TAFA1: variants seen among roughly 807,000 people sequenced by gnomAD.
TAFA1 encodes TAFA chemokine like family member 1.
In TAFA1, 4 loss-of-function variants were observed where a neutral mutation model predicts 18.5. The ratio of observed to expected loss-of-function variants is 0.22; its 90% CI spans 0.11 to 0.49. The LOEUF (loss-of-function observed/expected upper bound fraction) is 0.49. Ranked by LOEUF, TAFA1 falls within the 20% of genes least tolerant of loss-of-function variation. TAFA1 has a pLI of 0.98. For synonymous variants in TAFA1, 56 were observed against 55.2 expected (o/e 1.01, Z -0.06); for missense variants, 147 against 169.0 (o/e 0.87, Z 0.72).
chr3:68,005,321 T>G (rs1210254812), intron 1 of TAFA1, among the ~76,000 whole-genome samples: 2 of 152,206 alleles, frequency 1.3e-5, no homozygotes, highest in Admixed American at 1.3e-4. Context: ...ATGCTCCATC[T>G]GAATCACAGA....
At chr3:68,131,848 A>T (rs2065542530) in intron 2 of TAFA1, among the ~76,000 whole-genome samples, 1 of 150,962 alleles carries the variant, frequency 6.6e-6, no homozygotes, top group Non-Finnish European at 1.5e-5. Context: ...TTACCTGTGA[A>T]ATAGGAATGA....
At chr3:68,011,978 C>G (rs1019794686) in intron 2 of TAFA1, among the ~76,000 whole-genome samples, 1 of 152,128 alleles carries the variant, frequency 6.6e-6, no homozygotes, top group African/African-American at 2.4e-5. Flanking sequence ...GTTTCAACTC[C>G]TAGTTAGGGA....
intron 3 of TAFA1, among the ~76,000 whole-genome samples, chr3:68,523,095 TAAAG>T (rs2073052677): frequency 6.6e-6 from 1 of 151,940 alleles, no homozygotes; most frequent in South Asian, 2.1e-4. Context: ...AATAAATAAA[TAAAG>T]CACTTGAAAG....
intron 2 of TAFA1, among the ~76,000 whole-genome samples, chr3:68,388,461 A>T (rs2070153405): frequency 6.6e-6 from 1 of 152,046 alleles, no homozygotes; most frequent in African/African-American, 2.4e-5. Context: ...GCCTATTTTC[A>T]TCTATATTTT....
intron 4 of TAFA1, among the ~76,000 whole-genome samples, chr3:68,539,409 G>A (rs568942846): frequency 7.0e-4 from 106 of 152,018 alleles, no homozygotes; most frequent in Admixed American, 1.4e-3. Flanking sequence ...AATCTTCAGG[G>A]TGGGGTAATC....
At chr3:68,214,350 C>G (rs1437962174) in intron 2 of TAFA1, among the ~76,000 whole-genome samples, 1 of 152,112 alleles carries the variant, frequency 6.6e-6, no homozygotes, top group Non-Finnish European at 1.5e-5. Flanking sequence ...TGCTTTGATA[C>G]TCTCCTGGCC....
Position 68,366,936 on chromosome 3 carries a change from T to C in TAFA1, c.119-50344T>C, listed in dbSNP as rs538081854. On this transcript the variant is annotated intron_variant, in intron 2 of 4. Coordinates refer to ENST00000478136, the MANE Select transcript of TAFA1 (RefSeq NM_213609.4). ...ATGTGTTTGTATTCTGACCTGTCAATTGTGACACTCTGGACATTGACCCTG... is the reference window on the plus strand; with the variant it reads ...ATGTGTTTGTATTCTGACCTGTCAACTGTGACACTCTGGACATTGACCCTG... 1.4e-3 allele frequency among the ~76,000 whole-genome samples: 211 copies of C among 152,316 alleles called. 1 individual carries two copies. Among genetic ancestry groups the C allele is most frequent in the African/African-American group, 4.7e-3 (197 of 41,556 alleles).
rs78763693 is a variant in TAFA1, at chr3:68,214,336, G to A, written c.119-202944G>A. 4.2e-3 allele frequency among the ~76,000 whole-genome samples: 646 copies of A among 152,204 alleles called. 2 individuals are homozygous for A. The highest frequency in any genetic ancestry group is 0.015 in the African/African-American group (621 of 41,548). On this transcript the variant is annotated intron_variant, in intron 2 of 4. Coordinates refer to ENST00000478136, the MANE Select transcript of TAFA1 (RefSeq NM_213609.4). ...GAATTGATCTCTGAGTATAGAAGCT[G>A]TGATGCTTTGATACTCTCCTGGCCA...
intron 3 of TAFA1, among the ~76,000 whole-genome samples, chr3:68,531,214 C>T (rs1401849766): frequency 6.6e-6 from 1 of 152,176 alleles, no homozygotes; most frequent in African/African-American, 2.4e-5. Context: ...TTAACAGCAG[C>T]GTATCCATGT....
intron 2 of TAFA1, among the ~76,000 whole-genome samples, chr3:68,195,513 C>A (rs190968700): frequency 6.6e-6 from 1 of 151,196 alleles, no homozygotes; most frequent in East Asian, 2.0e-4. Flanking sequence ...ACTGCCCCAC[C>A]GAAAGGACAT....
chr3:68,502,922 A>G (rs1390318336), intron 3 of TAFA1, among the ~76,000 whole-genome samples: 2 of 152,182 alleles, frequency 1.3e-5, no homozygotes, highest in African/African-American at 4.8e-5. Flanking sequence ...AAGGGTGGAA[A>G]CAGCCCAAAT....
At chr3:68,532,468 C>T (rs999716383) in intron 3 of TAFA1, among the ~76,000 whole-genome samples, 2 of 152,018 alleles carry the variant, frequency 1.3e-5, no homozygotes, top group Non-Finnish European at 2.9e-5. Context: ...TCAGAGAAAG[C>T]CCATTTGCAT....
At chr3:68,011,712 G>A (rs1037158209) in intron 2 of TAFA1, among the ~76,000 whole-genome samples, 38 of 152,132 alleles carry the variant, frequency 2.5e-4, no homozygotes, top group African/African-American at 8.9e-4. Flanking sequence ...GCTAAATATA[G>A]CGAATTGGCC....
At chr3:68,397,354 T>C (rs1213552151) in intron 2 of TAFA1, among the ~76,000 whole-genome samples, 1 of 152,136 alleles carries the variant, frequency 6.6e-6, no homozygotes, top group Non-Finnish European at 1.5e-5. Context: ...ATGTTCCCCT[T>C]TCTGTGTCCA....
chr3:68,443,833 C>G (rs778775679), intron 3 of TAFA1, among the ~76,000 whole-genome samples: 4 of 152,118 alleles, frequency 2.6e-5, no homozygotes, highest in Non-Finnish European at 5.9e-5. Context: ...TTCTGACCTT[C>G]CTATAAACCA....
chr3:68,253,113 C>T (rs2067228655), intron 2 of TAFA1, among the ~76,000 whole-genome samples: 1 of 152,106 alleles, frequency 6.6e-6, no homozygotes, highest in African/African-American at 2.4e-5. Context: ...AGTGTGAGAA[C>T]CGACTAATAC....
intron 2 of TAFA1, among the ~76,000 whole-genome samples, chr3:68,411,632 C>T (rs1477356673): frequency 6.6e-6 from 1 of 152,106 alleles, no homozygotes; most frequent in Non-Finnish European, 1.5e-5. Context: ...GCAGAAGAAT[C>T]TCTGTGAAGA....
intron 2 of TAFA1, among the ~76,000 whole-genome samples, chr3:68,216,260 A>G (rs1301787484): frequency 6.6e-6 from 1 of 152,090 alleles, no homozygotes; most frequent in Non-Finnish European, 1.5e-5. Context: ...CGCATTTGTC[A>G]AAACCCATTG....
chr3:68,140,524 G>A (rs1476853590), intron 2 of TAFA1, among the ~76,000 whole-genome samples: 1 of 152,144 alleles, frequency 6.6e-6, no homozygotes, highest in African/African-American at 2.4e-5. Flanking sequence ...TTCTCCCACT[G>A]CAAACATTTT....
Sources: gnomAD v4.1 joint callset for allele counts (sites outside exome capture counted in the v4.1 genomes callset) on GRCh38, gnomAD v4.1.1 for gene constraint, MANE v1.5 for transcripts, NCBI Gene and HGNC (gene_info 2026-07-23, HGNC 2026-07-21) for gene names.